KIAA1586: variants seen among roughly 807,000 people sequenced by gnomAD.
The protein encoded by KIAA1586 is KIAA1586.
A neutral mutation model predicts 6.1 loss-of-function variants in KIAA1586; 5 were observed. The ratio of observed to expected loss-of-function variants is 0.82; its 90% CI spans 0.43 to 1.73. KIAA1586 has a LOEUF of 1.73. Among genes scored for constraint, KIAA1586 ranks in the 40% most tolerant of loss-of-function variants. The probability of loss-of-function intolerance (pLI) is 0.02; values close to 1 mark genes in which losing one functional copy is unlikely to be tolerated. For missense variants in KIAA1586, 899 were observed against 878.2 expected (o/e 1.02, Z -0.30); for synonymous variants, 280 against 301.7 (o/e 0.93, Z 0.75).
At chr6:57,057,055 C>T (rs544021984), downstream of KIAA1586, among the ~76,000 whole-genome samples, 7 of 151,716 alleles carry the variant, frequency 4.6e-5, no homozygotes, top group East Asian at 1.4e-3. Context: ...GGTGAAACCC[C>T]ATCTCTACTA....
the KIAA1586 span, among the ~76,000 whole-genome samples, chr6:57,063,174 G>A: frequency 1.3e-5 from 2 of 152,074 alleles, no homozygotes; most frequent in Non-Finnish European, 2.9e-5. Context: ...CTCTGACCTA[G>A]CTTTCTTGAT....
In KIAA1586 at chr6:57,050,246, G is replaced by GTT. The variant is rs556699974; in HGVS notation, c.106-516_106-515dup. On this transcript the variant is annotated intron_variant, in intron 2 of 3. Coordinates refer to ENST00000370733, the MANE Select transcript of KIAA1586 (RefSeq NM_020931.4). ...GCTCTTTGGGTTTTGTCATTATTAT[G>GTT]TTTTTTTTTTTTTCCTTTTTACTAG... is the stretch of plus-strand genomic sequence containing the variant. Among the ~76,000 whole-genome samples the GTT allele has an allele frequency of 3.9e-3, 497 of 128,840 alleles. 2 individuals are homozygous for GTT. Among genetic ancestry groups the GTT allele is most frequent in the African/African-American group, 0.014 (472 of 33,944 alleles). The allele number at this position is 128,840 out of a possible 152,430, so 84.5% of individuals were successfully genotyped here. A position where few individuals can be genotyped will look rare whatever the true frequency, so the allele number is the denominator to read the frequency against.
At chr6:57,061,914 T>C in the KIAA1586 span, among the ~76,000 whole-genome samples, 1 of 151,698 alleles carries the variant, frequency 6.6e-6, no homozygotes, top group Non-Finnish European at 1.5e-5. Flanking sequence ...TAATTATTTT[T>C]AATTATTTTT....
At chr6:57,064,613 T>G in the KIAA1586 span, among the ~76,000 whole-genome samples, 3 of 152,206 alleles carry the variant, frequency 2.0e-5, no homozygotes, top group Non-Finnish European at 4.4e-5. Context: ...ACACATATTT[T>G]AGTGACTTGG....
Position 57,054,141 on chromosome 6 carries a change from A to T in KIAA1586, c.1642A>T (p.Thr548Ser), listed in dbSNP as rs777256836. Residue 548 changes from threonine (T) to serine (S), a missense_variant, in exon 4 of 4, where the codon ACT becomes TCT. Physicochemically the swap from Thr to Ser is moderately conservative, Grantham distance 58. Coordinates refer to ENST00000370733, the MANE Select transcript of KIAA1586 (RefSeq NM_020931.4). ...VLSTALQSRS[T>S]NIKKAQKLIK... ...TTCAACTGCATTACAGTCAAGATCA[A>T]CTAATATTAAGAAAGCACAAAAATT... 6.9e-6 allele frequency: 11 copies of T among 1,594,086 alleles called. No individual in the cohort carries two copies. Among genetic ancestry groups the T allele is most frequent in the Non-Finnish European group, 9.4e-6 (11 of 1,172,206 alleles).
At chr6:57,065,751 G>A in the KIAA1586 span, among the ~76,000 whole-genome samples, 4 of 151,970 alleles carry the variant, frequency 2.6e-5, no homozygotes, top group East Asian at 3.9e-4. Context: ...GGACCCTTTC[G>A]AACTGAATAC....
chr6:57,064,991 G>A, the KIAA1586 span, among the ~76,000 whole-genome samples: 1 of 152,064 alleles, frequency 6.6e-6, no homozygotes, highest in African/African-American at 2.4e-5. Context: ...CATGACTTCT[G>A]CTGAAGCTCA....
Position 57,053,816 on chromosome 6 carries a change from T to G in KIAA1586, c.1317T>G (p.His439Gln). Residue 439 changes from histidine to glutamine, a missense_variant, in exon 4 of 4, where the codon CAT (histidine) becomes CAG (glutamine). Physicochemically the swap from His to Gln is conservative, Grantham distance 24. Transcript: ENST00000370733. ...TATCCGAAATAAAACAAATTAATCA[T>G]TTAAAAATATTTATTGATAAAATTT... ...DSISEIKQIN[H>Q]LKIFIDKIYS... 6.7e-7 allele frequency: 1 copy of G among 1,490,268 alleles called. No individual in the cohort carries two copies. Among genetic ancestry groups the G allele is most frequent in the Non-Finnish European group, 9.0e-7 (1 of 1,107,054 alleles). The allele number at this position is 1,490,268 out of a possible 1,614,324, so 92.3% of individuals were successfully genotyped here.
At chr6:57,062,151 A>G in the KIAA1586 span, among the ~76,000 whole-genome samples, 1 of 152,128 alleles carries the variant, frequency 6.6e-6, no homozygotes, top group Admixed American at 6.5e-5. Flanking sequence ...GGCTGGTCTC[A>G]AACTCCTGAG....
chr6:57,061,447 C>T, the KIAA1586 span, among the ~76,000 whole-genome samples: 1 of 152,012 alleles, frequency 6.6e-6, no homozygotes, highest in African/African-American at 2.4e-5. Context: ...GGTGGGAGTG[C>T]AGTGGCACAG....
downstream of KIAA1586, chr6:57,055,310 G>T: frequency 6.7e-6 from 1 of 149,008 alleles, no homozygotes; most frequent in Admixed American, 6.8e-5. Context: ...ATCAGCTTAG[G>T]GCTAAAAGTA....
chr6:57,054,409 C>T lies in KIAA1586; in HGVS notation c.1910C>T (p.Ser637Phe). ...AATTACTTTGATTTGCTGGAACCTT[C>T]CACATGGCCTTATGAAGAAATAACT... ...IFNYFDLLEPSTWPYEEITSP... is the reference protein window; with the variant it reads ...IFNYFDLLEPFTWPYEEITSP... Residue 637 changes from serine to phenylalanine, a missense_variant, in exon 4 of 4, where the codon TCC (serine) becomes TTC (phenylalanine). Transcript: ENST00000370733. 6.2e-7 allele frequency: 1 copy of T among 1,610,060 alleles called. No homozygotes were observed. The highest frequency in any genetic ancestry group is 8.5e-7 in the Non-Finnish European group (1 of 1,178,190).
downstream of KIAA1586, among the ~76,000 whole-genome samples, chr6:57,056,746 C>T (rs567105631): frequency 1.4e-4 from 21 of 151,854 alleles, no homozygotes; most frequent in African/African-American, 4.8e-4. Flanking sequence ...CCATGTTGCC[C>T]AGGTTGGTAT....
chr6:57,064,831 T>C, the KIAA1586 span, among the ~76,000 whole-genome samples: 1 of 152,226 alleles, frequency 6.6e-6, no homozygotes, highest in Non-Finnish European at 1.5e-5. Flanking sequence ...GAAGAGCTTC[T>C]GTCACCAGCC....
At chr6:57,058,206 AT>A (rs1828524247), downstream of KIAA1586, among the ~76,000 whole-genome samples, 1 of 152,220 alleles carries the variant, frequency 6.6e-6, no homozygotes, top group Admixed American at 6.5e-5. Flanking sequence ...GTTAAAAAAA[AT>A]TAGATTTCAT....
chr6:57,059,207 T>A (rs1828534175), downstream of KIAA1586, among the ~76,000 whole-genome samples: 1 of 152,038 alleles, frequency 6.6e-6, no homozygotes, highest in South Asian at 2.1e-4. Flanking sequence ...ATATTGATAA[T>A]ATGTTATAAA....
At position 57,053,371 on chromosome 6, in the gene KIAA1586, T is replaced by G; in HGVS notation, c.872T>G (p.Ile291Arg). The G allele has an allele frequency of 1.9e-6, 3 of 1,610,714 alleles. No homozygotes were observed. The highest frequency in any genetic ancestry group is 2.5e-6 in the Non-Finnish European group (3 of 1,178,692). The change falls in exon 4 of 4, where the codon ATA becomes AGA. Residue 291 changes from isoleucine to arginine, a missense_variant. Transcript: ENST00000370733. ...CLNTRYSATR[I>R]AEHIAKEMKM... is the part of the protein sequence containing the mutation. Reference sequence around the variant, plus strand: ...AATACACGTTACAGTGCAACAAGAATAGCAGAACATATTGCAAAAGAAATG... The same window carrying G: ...AATACACGTTACAGTGCAACAAGAAGAGCAGAACATATTGCAAAAGAAATG...
At position 57,054,072 on chromosome 6, in the gene KIAA1586, GACCTTGCTTT is replaced by G; in HGVS notation, c.1575_1584del (p.Asp525GlufsTer2). The G allele has an allele frequency of 6.2e-7, 1 of 1,610,958 alleles. No individual in the cohort carries two copies. Among genetic ancestry groups the G allele is most frequent in the Non-Finnish European group, 8.5e-7 (1 of 1,178,634 alleles). ...ATTAGCTAACATTAATTTCTTACAA[GACCTTGCTTT>G]AATGATTGACATTCTTGAAGAATTT... is the stretch of plus-strand genomic sequence containing the variant. On this transcript the variant is annotated frameshift_variant, in exon 4 of 4. Transcript: ENST00000370733. LOFTEE classifies it low-confidence loss of function (END_TRUNC).
chr6:57,064,534 G>C, the KIAA1586 span, among the ~76,000 whole-genome samples: 1 of 152,166 alleles, frequency 6.6e-6, no homozygotes, highest in Non-Finnish European at 1.5e-5. Flanking sequence ...CATTCATCCA[G>C]TTTTGCAGCT....
Sources: allele counts gnomAD v4.1 joint callset (sites outside exome capture counted in the v4.1 genomes callset), GRCh38; gene constraint gnomAD v4.1.1; transcripts MANE v1.5; gene names NCBI Gene and HGNC (gene_info 2026-07-23, HGNC 2026-07-21).